TRIB3: variants seen among roughly 807,000 people sequenced by gnomAD.
TRIB3 encodes tribbles pseudokinase 3, also known as tribbles homolog 3.
Under a neutral mutation model 16.6 loss-of-function variants are expected in TRIB3, and 20 were observed. The ratio of observed to expected loss-of-function variants is 1.20; its 90% confidence interval spans 0.85 to 1.75. The LOEUF is 1.75. Among genes scored for constraint, TRIB3 ranks in the 40% most tolerant of loss-of-function variants. TRIB3 has a pLI of 0.00. For missense variants in TRIB3, 484 were observed against 488.9 expected (o/e 0.99, Z 0.10); for synonymous variants, 208 against 217.0 (o/e 0.96, Z 0.36).
intron 1 of TRIB3, among the ~76,000 whole-genome samples, chr20:384,283 T>C (rs1404747510): frequency 6.6e-6 from 1 of 152,198 alleles, no homozygotes; most frequent in Non-Finnish European, 1.5e-5. Flanking sequence ...TTCCAAATCC[T>C]ATTGTGTGTT....
chr20:381,764 T>C (rs6107236), intron 1 of TRIB3, among the ~76,000 whole-genome samples: 31,623 of 151,156 alleles, frequency 0.21, 3,638 homozygotes, highest in Non-Finnish European at 0.25. Context: ...GCCGAGGGAG[T>C]GGGAGCGGGG....
At chr20:384,426 A>C (rs1053582457) in intron 1 of TRIB3, among the ~76,000 whole-genome samples, 11 of 152,030 alleles carry the variant, frequency 7.2e-5, no homozygotes, top group Middle Eastern at 3.4e-3. Context: ...TGCAGTGGCG[A>C]GATCTCAGCT....
chr20:385,014 G>C (rs971286301), intron 1 of TRIB3, among the ~76,000 whole-genome samples: 3 of 152,208 alleles, frequency 2.0e-5, no homozygotes, highest in Admixed American at 2.0e-4. Flanking sequence ...CCTATGTAAG[G>C]AGGGGAGACC....
intron 2 of TRIB3, among the ~76,000 whole-genome samples, chr20:390,006 A>C (rs778622041): frequency 3.9e-5 from 6 of 152,332 alleles, no homozygotes; most frequent in Middle Eastern, 6.8e-3. Context: ...TGGGAGATAC[A>C]GACACTAAAC....
At chr20:391,147 G>A (rs1157955019) in intron 2 of TRIB3, 140 bp from the exon 3 acceptor site, 2 of 937,570 alleles carry the variant, frequency 2.1e-6, no homozygotes, top group Admixed American at 2.2e-5. Context: ...CATGGTCAGG[G>A]CTGAGTGACT....
intron 1 of TRIB3, chr20:382,339 C>T: frequency 1.7e-6 from 1 of 573,748 alleles, no homozygotes; most frequent in Non-Finnish European, 3.1e-6. Flanking sequence ...ATCCCAGGCC[C>T]CAACAGGCTC....
At chr20:386,980 C>A (rs560088942) in intron 1 of TRIB3, among the ~76,000 whole-genome samples, 5 of 150,710 alleles carry the variant, frequency 3.3e-5, no homozygotes, top group African/African-American at 1.2e-4. Flanking sequence ...CTTGAACTCC[C>A]AGCCTCATGA....
chr20:385,408 C>T (rs964490854), intron 1 of TRIB3: 10 of 148,836 alleles, frequency 6.7e-5, no homozygotes, highest in Admixed American at 2.8e-4. Context: ...CCACCACGCC[C>T]GGCCTATTTT....
intron 1 of TRIB3, among the ~76,000 whole-genome samples, chr20:386,494 T>C (rs1213089696): frequency 3.3e-5 from 5 of 152,098 alleles, no homozygotes; most frequent in Non-Finnish European, 1.5e-5. Context: ...TTACAACCTC[T>C]GCCTCCTGGG....
At chr20:381,565 T>C (rs1174343806) in intron 1 of TRIB3, 2 of 10,930 alleles carry the variant, frequency 1.8e-4, no homozygotes, top group Admixed American at 1.1e-3. Context: ...TGGAGGACTC[T>C]GGGGGTGGCG....
intron 1 of TRIB3, among the ~76,000 whole-genome samples, chr20:384,424 C>T (rs904945854): frequency 7.2e-5 from 11 of 152,138 alleles, no homozygotes; most frequent in Middle Eastern, 3.4e-3. Context: ...AGTGCAGTGG[C>T]GAGATCTCAG....
rs549852265 is a variant in TRIB3, at chr20:386,258, A to AGTGTT, written c.1-1752_1-1748dup. ...TAACCTACTTCTCTTCCTAGCACCC[A>AGTGTT]GTGTTAAGTGAATGAACAAGATCAT... On this transcript the variant is annotated intron_variant, in intron 1 of 3. Transcript: ENST00000217233. 1.5e-3 allele frequency among the ~76,000 whole-genome samples: 228 copies of AGTGTT among 152,260 alleles called. 1 individual carries two copies. Among genetic ancestry groups the AGTGTT allele is most frequent in the African/African-American group, 5.2e-3 (214 of 41,546 alleles).
At position 380,850 on chromosome 20, in the gene TRIB3, C is replaced by T. The variant is rs1242881433; in HGVS notation, c.-320C>T. The T allele has an allele frequency of 7.6e-6, 1 of 131,548 alleles. No homozygotes were observed. Among genetic ancestry groups the T allele is most frequent in the African/African-American group, 2.6e-5 (1 of 38,782 alleles). 8.1% of individuals were successfully genotyped at this position (131,548 alleles called of 1,614,324 possible). A position where few individuals can be genotyped will look rare whatever the true frequency, so the allele number is the denominator to read the frequency against. ...GGCGCGGCGCGGGGGATGGTGCGAT[C>T]CCGGGCCCGAGGGCATCAGACGGCG... On this transcript the variant is annotated 5_prime_UTR_variant, in exon 1 of 4. Coordinates refer to ENST00000217233, the MANE Select transcript of TRIB3 (RefSeq NM_021158.5).
Position 396,313 on chromosome 20 carries a change from C to G in TRIB3, c.700C>G (p.Arg234Gly). 6.2e-7 allele frequency: 1 copy of G among 1,613,796 alleles called. No homozygotes were observed. The highest frequency in any genetic ancestry group is 8.5e-7 in the Non-Finnish European group (1 of 1,180,014). Residue 234 changes from arginine (R) to glycine (G), a missense_variant, in exon 4 of 4, where the codon CGG becomes GGG. By Grantham distance (125) the Arg-to-Gly change is moderately radical. Transcript: ENST00000217233. ...AYVGPEILSS[R>G]ASYSGKAADV... ...CGTGGGACCTGAGATACTCAGCTCA[C>G]GGGCCTCATACTCGGGCAAGGCAGC...
rs371966597 is a variant in TRIB3, at chr20:396,438, C to T, written c.825C>T (p.Arg275=). ...TCCTGCTCTTCGGCAAGATCCGCCG[C>T]GGGGCCTACGCCTTGCCTGCAGGCC... The part of the protein sequence containing the change: ...EPVLLFGKIR[R]GAYALPAGLS... The change falls in exon 4 of 4, where the codon CGC becomes CGT. Residue 275 remains arginine, a synonymous_variant. Transcript: ENST00000217233. 1.4e-5 allele frequency: 23 copies of T among 1,612,710 alleles called. No individual in the cohort carries two copies. Among genetic ancestry groups the T allele is most frequent in the Admixed American group, 8.3e-5 (5 of 60,006 alleles).
In TRIB3 at chr20:396,776, A is replaced by G. The variant is rs2015143734; in HGVS notation, c.*86A>G. The G allele has an allele frequency of 6.6e-7, 1 of 1,511,674 alleles. No homozygotes were observed. The highest frequency in any genetic ancestry group is 8.8e-7 in the Non-Finnish European group (1 of 1,133,580). The allele number at this position is 1,511,674 out of a possible 1,614,324, so 93.6% of individuals were successfully genotyped here. On this transcript the variant is annotated 3_prime_UTR_variant, in exon 4 of 4. Transcript: ENST00000217233. ...CTTCTCCTGCCTCTGAACTGAGCCAAACCTTCAGTGCCTTCCAGAAGGGAG... is the reference window on the plus strand; with the variant it reads ...CTTCTCCTGCCTCTGAACTGAGCCAGACCTTCAGTGCCTTCCAGAAGGGAG...
intron 2 of TRIB3, among the ~76,000 whole-genome samples, chr20:390,092 C>T (rs1353101308): frequency 2.0e-5 from 3 of 151,808 alleles, no homozygotes; most frequent in Non-Finnish European, 2.9e-5. Flanking sequence ...TTTGGGAGGC[C>T]GAGGTAGGCA....
rs764049018 is a variant in TRIB3 at position 388,090 on chromosome 20, C to G, written c.80C>G (p.Thr27Ser). The G allele has an allele frequency of 3.1e-6, 5 of 1,614,000 alleles. No homozygotes were observed. The African/African-American group carries it at 6.7e-5, about 22-fold the overall frequency. ...TTGGAGTTGGATGACAACTTAGATACCGAGCGTCCCGTCCAGAAACGAGCT... is the reference window on the plus strand; with the variant it reads ...TTGGAGTTGGATGACAACTTAGATAGCGAGCGTCCCGTCCAGAAACGAGCT... Reference protein sequence around the residue: ...KRLELDDNLDTERPVQKRARS... With the variant: ...KRLELDDNLDSERPVQKRARS... The change falls in exon 2 of 4, where the codon ACC (threonine) becomes AGC (serine). Residue 27 changes from threonine to serine, a missense_variant. Physicochemically the swap from Thr to Ser is moderately conservative, Grantham distance 58. Coordinates refer to ENST00000217233, the MANE Select transcript of TRIB3 (RefSeq NM_021158.5).
chr20:396,846 T>C lies in TRIB3; in HGVS notation c.*156T>C. 8.7e-7 allele frequency: 1 copy of C among 1,154,458 alleles called. No individual in the cohort carries two copies. The highest frequency in any genetic ancestry group is 1.2e-6 in the Non-Finnish European group (1 of 837,960). The allele number at this position is 1,154,458 out of a possible 1,614,324, so 71.5% of individuals were successfully genotyped here. A position where few individuals can be genotyped will look rare whatever the true frequency, so the allele number is the denominator to read the frequency against. On this transcript the variant is annotated 3_prime_UTR_variant, in exon 4 of 4. Coordinates refer to ENST00000217233, the MANE Select transcript of TRIB3 (RefSeq NM_021158.5). The stretch of plus-strand genomic sequence containing the variant: ...GAGTGTGCTGTGTACACATCTGCTT[T>C]GTTCCACACACATGCAGTTCCTGCT...
Sources: gnomAD v4.1 joint callset for allele counts (sites outside exome capture counted in the v4.1 genomes callset) on GRCh38, gnomAD v4.1.1 for gene constraint, MANE v1.5 for transcripts, NCBI Gene and HGNC (gene_info 2026-07-23, HGNC 2026-07-21) for gene names.